The following MEMO1 variants were observed in gnomAD, a reference collection of about 807,000 sequenced individuals.
The protein encoded by MEMO1 is mediator of cell motility 1.
In MEMO1, 6 loss-of-function variants were observed where a neutral mutation model predicts 45.2. The observed-to-expected ratio is 0.13, with a 90% CI of 0.07 to 0.26. The LOEUF is 0.26. Among genes scored for constraint, MEMO1 ranks in the 10% least tolerant of loss-of-function variants. MEMO1 has a pLI of 1.00. For synonymous variants in MEMO1, 78 were observed against 124.3 expected, an observed-to-expected ratio of 0.63 and a Z score of 2.48; for missense variants, 184 against 370.5, an observed-to-expected ratio of 0.50 and a Z score of 4.13.
chr2:31,887,412 T>C (rs1443572828), intron 7 of MEMO1, among the ~76,000 whole-genome samples: 1 of 152,110 alleles, frequency 6.6e-6, no homozygotes, highest in African/African-American at 2.4e-5. Context: ...ATACATAAAA[T>C]AAAAATTATA....
At chr2:31,992,919 CAT>C (rs1310084548) in intron 2 of MEMO1, among the ~76,000 whole-genome samples, 2 of 151,770 alleles carry the variant, frequency 1.3e-5, no homozygotes, top group African/African-American at 4.8e-5. Flanking sequence ...AACTAAAATA[CAT>C]ATTTGAAAAC....
intron 6 of MEMO1, among the ~76,000 whole-genome samples, chr2:31,913,547 A>G (rs1680951458): frequency 1.3e-5 from 2 of 151,462 alleles, no homozygotes; most frequent in Admixed American, 1.3e-4. Flanking sequence ...TTTGAAAATT[A>G]AAAAAACATG....
rs555821832 is a variant in MEMO1 at position 32,003,589 on chromosome 2, A to G, written c.61+6598T>C. On this transcript the variant is annotated intron_variant, in intron 2 of 9. Transcript: ENST00000404530. ...CTGCTACTTCACAAACACAGCATACATATGCTCAAATCAACCAAATGAAGT... is the reference window on the plus strand; with the variant it reads ...CTGCTACTTCACAAACACAGCATACGTATGCTCAAATCAACCAAATGAAGT... Among the ~76,000 whole-genome samples, 3 of 152,358 alleles carry G rather than the reference A, an allele frequency of 2.0e-5. No individual in the cohort carries two copies. In the East Asian group the frequency reaches 5.8e-4, roughly 29 times the overall value.
At chr2:31,992,289 T>A (rs1395845505) in intron 2 of MEMO1, among the ~76,000 whole-genome samples, 1 of 152,202 alleles carries the variant, frequency 6.6e-6, no homozygotes, top group Non-Finnish European at 1.5e-5. Flanking sequence ...ACTTACATAT[T>A]AACTATAGCT....
chr2:31,980,332 C>G (rs1465195702), intron 2 of MEMO1, among the ~76,000 whole-genome samples: 2 of 152,056 alleles, frequency 1.3e-5, no homozygotes, highest in Non-Finnish European at 2.9e-5. Flanking sequence ...ACTTGGAAGG[C>G]CAAGACAGGA....
At chr2:31,950,409 T>C (rs1666710478) in intron 2 of MEMO1, among the ~76,000 whole-genome samples, 1 of 143,740 alleles carries the variant, frequency 7.0e-6, no homozygotes, top group Non-Finnish European at 1.5e-5. Flanking sequence ...AACCTATTAA[T>C]GAACAAGCAA....
At chr2:31,960,088 A>T (rs903086407) in intron 2 of MEMO1, among the ~76,000 whole-genome samples, 6 of 152,030 alleles carry the variant, frequency 3.9e-5, no homozygotes, top group Non-Finnish European at 8.8e-5. Context: ...TCCCAGCTAC[A>T]TGGGAGGCTG....
chr2:31,982,828 G>T (rs1162984798), intron 2 of MEMO1, among the ~76,000 whole-genome samples: 1 of 152,066 alleles, frequency 6.6e-6, no homozygotes, highest in Non-Finnish European at 1.5e-5. Flanking sequence ...TGGTGGGTGG[G>T]AGCCAGGTTT....
intron 2 of MEMO1, among the ~76,000 whole-genome samples, chr2:31,953,742 C>A (rs1330064790): frequency 2.0e-5 from 3 of 152,094 alleles, no homozygotes; most frequent in Non-Finnish European, 4.4e-5. Flanking sequence ...CAGGTGTGAG[C>A]CACCGTGCCC....
intron 2 of MEMO1, among the ~76,000 whole-genome samples, chr2:31,948,012 T>G (rs532353197): frequency 6.6e-6 from 1 of 152,378 alleles, no homozygotes; most frequent in South Asian, 2.1e-4. Context: ...AGAATCTTGT[T>G]GAAATGCTGA....
intron 3 of MEMO1, among the ~76,000 whole-genome samples, chr2:31,941,926 A>T (rs1665662587): frequency 6.6e-6 from 1 of 152,194 alleles, no homozygotes; most frequent in Non-Finnish European, 1.5e-5. Context: ...GATATTGATT[A>T]AAAACGGTTA....
At position 31,933,354 on chromosome 2, in the gene MEMO1, TATA is replaced by T. The variant is rs1558514424; in HGVS notation, c.144-1222_144-1220del. Among the ~76,000 whole-genome samples, 36 of 17,144 alleles carry T rather than the reference TATA, an allele frequency of 2.1e-3. 2 individuals carry two copies. The highest frequency in any genetic ancestry group is 4.1e-3 in the African/African-American group (19 of 4,668). The allele number at this position is 17,144 out of a possible 152,430, so 11.2% of individuals were successfully genotyped here. A position where few individuals can be genotyped will look rare whatever the true frequency, so the allele number is the denominator to read the frequency against. ...AAAAAAAAAAAAAAAAAAAAATTTA[TATA>T]TATATATATATATATATATATATAT... On this transcript the variant is annotated intron_variant, in intron 3 of 9. Coordinates refer to ENST00000404530, the MANE Select transcript of MEMO1 (RefSeq NM_001301833.4).
At chr2:31,983,976 T>C (rs1471611746) in intron 2 of MEMO1, among the ~76,000 whole-genome samples, 1 of 152,198 alleles carries the variant, frequency 6.6e-6, no homozygotes, top group African/African-American at 2.4e-5. Flanking sequence ...TGGGATTGGA[T>C]TACCTTCCAA....
At chr2:31,980,010 A>T (rs1056847944) in intron 2 of MEMO1, among the ~76,000 whole-genome samples, 2 of 110,132 alleles carry the variant, frequency 1.8e-5, no homozygotes, top group East Asian at 2.4e-4. Context: ...GTCTTAATTT[A>T]AAAAAAAAAA....
chr2:31,941,401 A>G (rs1399111998), intron 3 of MEMO1, among the ~76,000 whole-genome samples: 4 of 152,176 alleles, frequency 2.6e-5, no homozygotes, highest in African/African-American at 9.7e-5. Flanking sequence ...TATATAAAAC[A>G]GTAACACCCT....
chr2:31,875,344 T>G (rs1019340112), intron 8 of MEMO1, among the ~76,000 whole-genome samples: 7 of 152,106 alleles, frequency 4.6e-5, no homozygotes, highest in Non-Finnish European at 1.0e-4. Flanking sequence ...TTTATTCCCT[T>G]TTTTCTTTTT....
chr2:31,929,855 G>C (rs1296607582), intron 4 of MEMO1, among the ~76,000 whole-genome samples: 1 of 152,180 alleles, frequency 6.6e-6, no homozygotes, highest in Non-Finnish European at 1.5e-5. Context: ...ATAATTCCCA[G>C]AGAGTGCCTC....
intron 2 of MEMO1, among the ~76,000 whole-genome samples, chr2:31,986,871 T>C (rs890808226): frequency 6.6e-5 from 10 of 152,150 alleles, no homozygotes; most frequent in African/African-American, 2.4e-4. Flanking sequence ...AACTAAATTG[T>C]TATTTGAAGG....
At chr2:31,885,195 C>T (rs931998616) in intron 7 of MEMO1, among the ~76,000 whole-genome samples, 1 of 152,182 alleles carries the variant, frequency 6.6e-6, no homozygotes, top group Non-Finnish European at 1.5e-5. Flanking sequence ...TCTCAGCTCA[C>T]TGCAACCTCT....
Sources: gnomAD v4.1 joint callset for allele counts (sites outside exome capture counted in the v4.1 genomes callset) on GRCh38, gnomAD v4.1.1 for gene constraint, MANE v1.5 for transcripts, NCBI Gene and HGNC (gene_info 2026-07-23, HGNC 2026-07-21) for gene names.